The following NAPB variants were observed in gnomAD, a reference collection of about 807,000 sequenced individuals.
The protein encoded by NAPB is NSF attachment protein beta.
Under a neutral mutation model 44.7 loss-of-function variants are expected in NAPB, and 26 were observed. The ratio of observed to expected loss-of-function variants is 0.58; its 90% confidence interval spans 0.43 to 0.81. The LOEUF is 0.81. Among genes scored for constraint, NAPB ranks in the 30% least tolerant of loss-of-function variants. The probability of loss-of-function intolerance (pLI) is 0.00; values close to 1 mark genes in which losing one functional copy is unlikely to be tolerated. For synonymous variants in NAPB, 120 were observed against 116.8 expected (o/e 1.03, Z -0.18); for missense variants, 315 against 356.4 (o/e 0.88, Z 0.94).
intron 3 of NAPB, among the ~76,000 whole-genome samples, 191 bp from the exon 4 acceptor site, chr20:23,395,376 G>A (rs1310020086): frequency 6.6e-6 from 1 of 152,098 alleles, no homozygotes; most frequent in Non-Finnish European, 1.5e-5. Context: ...TTTGTTCCCA[G>A]CAGCTATAGT....
Position 23,402,990 on chromosome 20 carries a change from T to C in NAPB, c.178+3A>G. 3 of 1,612,532 alleles carry C rather than the reference T, an allele frequency of 1.9e-6. No individual in the cohort carries two copies. The highest frequency in any genetic ancestry group is 2.5e-6 in the Non-Finnish European group (3 of 1,178,872). ...AAAAAGCAAACAAAAACTTTGTACATACCACTCCAATTTTTAGCCATCTTG... is the reference window on the plus strand; with the variant it reads ...AAAAAGCAAACAAAAACTTTGTACACACCACTCCAATTTTTAGCCATCTTG... On this transcript the variant is annotated splice_donor_region_variant and intron_variant, in intron 2 of 10. Transcript: ENST00000377026.
intron 5 of NAPB, among the ~76,000 whole-genome samples, chr20:23,394,605 T>G (rs553543337): frequency 6.6e-6 from 1 of 152,338 alleles, no homozygotes; most frequent in African/African-American, 2.4e-5. Flanking sequence ...CTCTTACACT[T>G]TCTTCACTGG....
intron 7 of NAPB, among the ~76,000 whole-genome samples, chr20:23,386,596 G>GCATCTAT (rs1312572804): frequency 2.2e-4 from 34 of 152,324 alleles, no homozygotes; most frequent in African/African-American, 7.9e-4. Context: ...CCACAAGGGT[G>GCATCTAT]GTCAACATCT....
At chr20:23,408,269 T>C (rs1335574286) in intron 1 of NAPB, among the ~76,000 whole-genome samples, 1 of 152,172 alleles carries the variant, frequency 6.6e-6, no homozygotes, top group Non-Finnish European at 1.5e-5. Flanking sequence ...CTTCTTCTCA[T>C]TATTTACCAG....
At chr20:23,406,265 A>G (rs538727894) in intron 1 of NAPB, among the ~76,000 whole-genome samples, 10 of 152,330 alleles carry the variant, frequency 6.6e-5, no homozygotes, top group African/African-American at 2.4e-4. Flanking sequence ...AGGCAAAGAC[A>G]TCTAGAGGTG....
intron 1 of NAPB, among the ~76,000 whole-genome samples, chr20:23,414,570 C>T (rs1348970954): frequency 1.3e-5 from 2 of 152,102 alleles, no homozygotes; most frequent in African/African-American, 4.8e-5. Context: ...CAAGTCCTCA[C>T]CATGAAAAAA....
At chr20:23,380,927 C>A (rs570088833) in intron 8 of NAPB, 72 of 282,596 alleles carry the variant, frequency 2.5e-4, no homozygotes, top group African/African-American at 1.4e-3. Context: ...CCAGGCAGTG[C>A]CCCCCATTCA....
intron 2 of NAPB, among the ~76,000 whole-genome samples, chr20:23,399,192 A>C (rs1600582758): frequency 6.6e-6 from 1 of 152,136 alleles, no homozygotes; most frequent in East Asian, 1.9e-4. Flanking sequence ...TTTGAAAAAT[A>C]TGTAACCACC....
intron 7 of NAPB, among the ~76,000 whole-genome samples, chr20:23,389,242 A>AC (rs1258482781): frequency 6.6e-6 from 1 of 151,374 alleles, no homozygotes; most frequent in Non-Finnish European, 1.5e-5. Context: ...AAAAAAAAAA[A>AC]AAAAAAAAAA....
rs577988483 is a variant in NAPB at position 23,408,581 on chromosome 20, G to A, written c.99-5509C>T. Among the ~76,000 whole-genome samples the A allele has an allele frequency of 2.0e-5, 3 of 152,314 alleles. No homozygotes were observed. In the South Asian group the frequency reaches 6.2e-4, roughly 32 times the overall value. ...ATGCTTCACTTCTGGAAACTCCACA[G>A]ATTCTAAAAACTTGGGGCTTTCCTA... On this transcript the variant is annotated intron_variant, in intron 1 of 10. Transcript: ENST00000377026.
chr20:23,381,393 CT>C, intron 7 of NAPB, 76 bp from the exon 8 acceptor site: 1 of 860,228 alleles, frequency 1.2e-6, no homozygotes, highest in Non-Finnish European at 1.8e-6. Context: ...ATCTGTTGTC[CT>C]TTAGAAAATA....
intron 1 of NAPB, among the ~76,000 whole-genome samples, chr20:23,412,807 C>T (rs1450403700): frequency 6.6e-6 from 1 of 152,074 alleles, no homozygotes; most frequent in East Asian, 1.9e-4. Flanking sequence ...ACCAGCCTGG[C>T]CAACACGGTG....
At chr20:23,380,568 G>C (rs554557183) in intron 8 of NAPB, 4 of 151,832 alleles carry the variant, frequency 2.6e-5, no homozygotes, top group African/African-American at 9.7e-5. Context: ...TGTCACCCAG[G>C]CTGGAGTGCA....
chr20:23,420,946 T>C (rs1986372098), intron 1 of NAPB, among the ~76,000 whole-genome samples: 1 of 145,934 alleles, frequency 6.9e-6, no homozygotes, highest in South Asian at 2.2e-4. Context: ...TGTTAGGGGA[T>C]CCGGAGAGCG....
intron 2 of NAPB, 74 bp downstream of exon 2, chr20:23,402,919 G>C: frequency 8.4e-7 from 1 of 1,184,114 alleles, no homozygotes; most frequent in African/African-American, 1.5e-5. Context: ...TCTTCAAGGG[G>C]AAAACAGTCA....
rs1982409911 is a variant in NAPB, at chr20:23,375,215, T to A, written c.*2161A>T. 6.6e-6 allele frequency: 1 copy of A among 152,088 alleles called. No individual in the cohort carries two copies. Among genetic ancestry groups the A allele is most frequent in the African/African-American group, 2.4e-5 (1 of 41,382 alleles). 9.4% of individuals were successfully genotyped at this position (152,088 alleles called of 1,614,324 possible). A position where few individuals can be genotyped will look rare whatever the true frequency, so the allele number is the denominator to read the frequency against. On this transcript the variant is annotated 3_prime_UTR_variant, in exon 11 of 11. Coordinates refer to ENST00000377026, the MANE Select transcript of NAPB (RefSeq NM_022080.3). ...AATTAATTCTTAACCCCGGAACTGG[T>A]CCCAGTGTTTATTGCAATACAAACA...
intron 1 of NAPB, 121 bp from the exon 2 acceptor site, chr20:23,403,193 A>C: frequency 1.4e-6 from 1 of 716,716 alleles, no homozygotes; most frequent in Non-Finnish European, 2.3e-6. Flanking sequence ...CAGAATCTTA[A>C]CCTCTATTTA....
At chr20:23,395,616 C>T (rs1389562282) in intron 3 of NAPB, among the ~76,000 whole-genome samples, 1 of 152,148 alleles carries the variant, frequency 6.6e-6, no homozygotes, top group African/African-American at 2.4e-5. Flanking sequence ...GAACAATCAC[C>T]TCAATAGATT....
At chr20:23,419,968 C>T (rs1986268225) in intron 1 of NAPB, among the ~76,000 whole-genome samples, 2 of 152,276 alleles carry the variant, frequency 1.3e-5, no homozygotes, top group East Asian at 1.9e-4. Flanking sequence ...GCTAAGAGCC[C>T]ATTATGTCTG....
Sources: gnomAD v4.1 joint callset for allele counts (sites outside exome capture counted in the v4.1 genomes callset) on GRCh38, gnomAD v4.1.1 for gene constraint, MANE v1.5 for transcripts, NCBI Gene and HGNC (gene_info 2026-07-23, HGNC 2026-07-21) for gene names.